Variants in SHANK1 observed in about 807,000 individuals in gnomAD.
SHANK1 encodes SH3 and multiple ankyrin repeat domains protein 1.
A neutral mutation model predicts 165.6 loss-of-function variants in SHANK1; 35 were observed. That is an observed-to-expected ratio of 0.21 (90% CI 0.16 to 0.28). The LOEUF (loss-of-function observed/expected upper bound fraction) is 0.28. Among genes scored for constraint, SHANK1 ranks in the 10% least tolerant of loss-of-function variants. SHANK1 has a pLI of 1.00. For synonymous variants in SHANK1, 1,428 were observed against 1,384.8 expected, an observed-to-expected ratio of 1.03 and a Z score of -0.69; for missense variants, 2,681 against 3,036.4, an observed-to-expected ratio of 0.88 and a Z score of 2.75.
In SHANK1 at chr19:50,669,013, G is replaced by A; in HGVS notation, c.2947C>T (p.Arg983Cys). The change falls in exon 23 of 24, where the codon CGC (arginine) becomes TGC (cysteine). Residue 983 changes from arginine to cysteine, a missense_variant. Around this residue, in one of 10 missense-constraint regions of SHANK1, gnomAD observed 1,713 missense variants for 1,630.2 expected, o/e 1.05. Coordinates refer to ENST00000293441, the MANE Select transcript of SHANK1 (RefSeq NM_016148.5). Reference sequence around the variant, plus strand: ...CCACTGTGGTACAGGCTCTTCTCGCGGCTCCCCACGCGAGTGTCGGGAGGG... The same window carrying A: ...CCACTGTGGTACAGGCTCTTCTCGCAGCTCCCCACGCGAGTGTCGGGAGGG... ...PSPPDTRVGS[R>C]EKSLYHSGPL... 1.2e-6 allele frequency: 1 copy of A among 839,114 alleles called. No homozygotes were observed. The allele number at this position is 839,114 out of a possible 1,614,324, so 52.0% of individuals were successfully genotyped here. A position where few individuals can be genotyped will look rare whatever the true frequency, so the allele number is the denominator to read the frequency against.
chr19:50,681,790 T>G (rs1599850665), intron 21 of SHANK1, among the ~76,000 whole-genome samples: 1 of 152,194 alleles, frequency 6.6e-6, no homozygotes, highest in East Asian at 1.9e-4. Context: ...ATGTATTTAT[T>G]GAGACAGGTC....
rs1216154072 is a variant in SHANK1, at chr19:50,672,106, G to A, written c.2586C>T (p.Phe862=). The change falls in exon 22 of 24, where the codon TTC becomes TTT. Residue 862 remains phenylalanine, a synonymous_variant. Transcript: ENST00000293441. The stretch of plus-strand genomic sequence containing the variant: ...TTGGCTGGGCACGGTGGTGGGGATC[G>A]AAGCTCGACTTTGGAGCGGCAGTCA... The part of the protein sequence containing the change: ...PKGFFATESS[F]DPHHRAQPSY... 5.0e-6 allele frequency: 8 copies of A among 1,613,448 alleles called. No homozygotes were observed. The highest frequency in any genetic ancestry group is 6.8e-6 in the Non-Finnish European group (8 of 1,179,728).
rs945242097 is a variant in SHANK1 at position 50,659,577 on chromosome 19, G to A, written c.*2388C>T. Among the ~76,000 whole-genome samples, 1 of 113,848 alleles carries A rather than the reference G, an allele frequency of 8.8e-6. No individual in the cohort carries two copies. Among genetic ancestry groups the A allele is most frequent in the African/African-American group, 3.5e-5 (1 of 28,844 alleles). 74.7% of individuals were successfully genotyped at this position (113,848 alleles called of 152,430 possible). ...CCTCTTCCCCTCCCACCCCCCCTTG[G>A]AAGACAATTCTCGGGCTTTTATTTC... On this transcript the variant is annotated 3_prime_UTR_variant, in exon 24 of 24. Transcript: ENST00000293441.
chr19:50,705,628 T>A (rs528204034), intron 8 of SHANK1, among the ~76,000 whole-genome samples: 8 of 152,078 alleles, frequency 5.3e-5, no homozygotes, highest in Non-Finnish European at 7.4e-5. Context: ...TAGATGCCAG[T>A]AGCACTCCCC....
chr19:50,667,797 G>T lies in SHANK1; in HGVS notation c.4163C>A (p.Pro1388Gln). 7.7e-7 allele frequency: 1 copy of T among 1,292,934 alleles called. No individual in the cohort carries two copies. The highest frequency in any genetic ancestry group is 3.2e-5 in the East Asian group (1 of 31,654). 80.1% of individuals were successfully genotyped at this position (1,292,934 alleles called of 1,614,324 possible). A position where few individuals can be genotyped will look rare whatever the true frequency, so the allele number is the denominator to read the frequency against. ...PRPPSPRYEA[P>Q]PPTPHHHSPH... Reference sequence around the variant, plus strand: ...CGAGTGGTGGTGCGGGGTGGGCGGCGGGGCCTCGTAGCGGGGCGATGGGGG... The same window carrying T: ...CGAGTGGTGGTGCGGGGTGGGCGGCTGGGCCTCGTAGCGGGGCGATGGGGG... Residue 1388 changes from proline to glutamine, a missense_variant, in exon 23 of 24, where the codon CCG (proline) becomes CAG (glutamine). By Grantham distance (76) the Pro-to-Gln change is moderately conservative. Transcript: ENST00000293441. The surrounding 1 kb of genome is among the most constrained non-coding windows in gnomAD (Gnocchi z 5.7).
At chr19:50,689,317 G>A (rs1335600386) in intron 15 of SHANK1, 38 bp from the exon 16 acceptor site, 15 of 1,439,690 alleles carry the variant, frequency 1.0e-5, no homozygotes, top group Admixed American at 1.7e-5. Flanking sequence ...GGTGGTGGGG[G>A]GAGTGGAGAA....
Position 50,662,305 on chromosome 19 carries a change from G to C in SHANK1, c.6146C>G (p.Pro2049Arg). 6.2e-7 allele frequency: 1 copy of C among 1,610,444 alleles called. No individual in the cohort carries two copies. The highest frequency in any genetic ancestry group is 8.5e-7 in the Non-Finnish European group (1 of 1,177,892). ...TGGCGGCACAAAGACTGGGGCGAAG[G>C]GGTCAGCCGAGCCTCCTGCCCCTCC... is the stretch of plus-strand genomic sequence containing the variant. Reference protein sequence around the residue: ...PTGGAGGSADPFAPVFVPPHP... With the variant: ...PTGGAGGSADRFAPVFVPPHP... The change falls in exon 24 of 24, where the codon CCC (proline) becomes CGC (arginine). Residue 2049 changes from proline to arginine, a missense_variant. This residue lies in a region of SHANK1 where 1,713 missense variants were observed against 1,630.2 expected (regional missense o/e 1.05). Transcript: ENST00000293441. The surrounding 1 kb of genome is among the most constrained non-coding windows in gnomAD (Gnocchi z 7.7).
At chr19:50,708,485 AC>A (rs1366566178) in intron 8 of SHANK1, among the ~76,000 whole-genome samples, 112 of 120,378 alleles carry the variant, frequency 9.3e-4, no homozygotes, top group Non-Finnish European at 1.5e-3. Context: ...GTGAACTCCC[AC>A]CCCCCCCAAC....
chr19:50,719,331 C>T (rs1426268419), intron 1 of SHANK1, 75 bp downstream of exon 1: 1 of 152,116 alleles, frequency 6.6e-6, no homozygotes, highest in Non-Finnish European at 1.5e-5. Flanking sequence ...CCAAGGACAT[C>T]CGGGGCGCCC....
Position 50,688,689 on chromosome 19 carries a change from TG to T in SHANK1, c.2172+154del, listed in dbSNP as rs1439006542. ...CTCAGAGGCCTTTAGATGGAATCGCTGGGGAAAGCAGAGGCTGGCTGGGGGG... is the reference window on the plus strand; with the variant it reads ...CTCAGAGGCCTTTAGATGGAATCGCTGGGAAAGCAGAGGCTGGCTGGGGGG... On this transcript the variant is annotated intron_variant, in intron 17 of 23. Transcript: ENST00000293441. This position sits in a 1 kb window ranked among gnomAD's most constrained non-coding sequence, Gnocchi z 6.7. Among the ~76,000 whole-genome samples the T allele has an allele frequency of 6.6e-6, 1 of 151,872 alleles. No individual in the cohort carries two copies. Among genetic ancestry groups the T allele is most frequent in the Non-Finnish European group, 1.5e-5 (1 of 67,962 alleles).
intron 21 of SHANK1, among the ~76,000 whole-genome samples, chr19:50,673,496 C>G (rs550923459): frequency 6.6e-6 from 1 of 152,124 alleles, no homozygotes; most frequent in Non-Finnish European, 1.5e-5. Flanking sequence ...CTTTTCAGCG[C>G]GAAGTTCTCC....
In SHANK1 at chr19:50,701,275, G is replaced by C. The variant is rs112194764; in HGVS notation, c.1747+1192C>G. 1.3e-3 allele frequency among the ~76,000 whole-genome samples: 192 copies of C among 148,848 alleles called. 1 individual carries two copies. The highest frequency in any genetic ancestry group is 1.8e-3 in the Admixed American group (26 of 14,734). ...TGGCTCACTGCAACCTCCGCCTCCCGGGTTCAAGCAATTTTCCTGCCTCGG... is the reference window on the plus strand; with the variant it reads ...TGGCTCACTGCAACCTCCGCCTCCCCGGTTCAAGCAATTTTCCTGCCTCGG... On this transcript the variant is annotated intron_variant, in intron 12 of 23. Coordinates refer to ENST00000293441, the MANE Select transcript of SHANK1 (RefSeq NM_016148.5).
At position 50,702,756 on chromosome 19, in the gene SHANK1, T is replaced by A; in HGVS notation, c.1554-96A>T. On this transcript the variant is annotated intron_variant, in intron 11 of 23. Transcript: ENST00000293441. This position sits in a 1 kb window ranked among gnomAD's most constrained non-coding sequence, Gnocchi z 5.3. ...TTGGGTGGGGGAAGAGGACGGTGCA[T>A]CAGGGGGGAGGGGGGGTTTCCCAGC... is the stretch of plus-strand genomic sequence containing the variant. 11 of 679,384 alleles carry A rather than the reference T, an allele frequency of 1.6e-5. No individual in the cohort carries two copies. Among genetic ancestry groups the A allele is most frequent in the Non-Finnish European group, 2.4e-5 (10 of 416,786 alleles). The allele number at this position is 679,384 out of a possible 1,614,324, so 42.1% of individuals were successfully genotyped here.
At chr19:50,715,814 C>T (rs2123206866) in intron 3 of SHANK1, 84 bp from the exon 4 acceptor site, 1 of 1,298,220 alleles carries the variant, frequency 7.7e-7, no homozygotes. Flanking sequence ...AGGGGAAGGT[C>T]TGATCCCCTT....
At chr19:50,703,423 G>C (rs2088894378) in intron 11 of SHANK1, 77 bp downstream of exon 11, 4 of 1,277,290 alleles carry the variant, frequency 3.1e-6, no homozygotes, top group Non-Finnish European at 4.3e-6. Context: ...AGCTGGGCTG[G>C]CCTCGGGGGA....
rs763564024 is a variant in SHANK1 at position 50,667,930 on chromosome 19, C to A, written c.4030G>T (p.Gly1344Cys). The A allele has an allele frequency of 2.2e-6, 3 of 1,368,236 alleles. No individual in the cohort carries two copies. The highest frequency in any genetic ancestry group is 1.9e-6 in the Non-Finnish European group (2 of 1,066,570). 84.8% of individuals were successfully genotyped at this position (1,368,236 alleles called of 1,614,324 possible). ...GGGGAGGCGGGATCCAGGGCCTTGCCGGTCAGCGGGTGCACCAGGGGTCGC... is the reference window on the plus strand; with the variant it reads ...GGGGAGGCGGGATCCAGGGCCTTGCAGGTCAGCGGGTGCACCAGGGGTCGC... ...PPRPLVHPLT[G>C]KALDPASPLG... The change falls in exon 23 of 24, where the codon GGC becomes TGC. Residue 1344 changes from glycine to cysteine, a missense_variant. Physicochemically the swap from Gly to Cys is radical, Grantham distance 159. This residue lies in a region of SHANK1 where 1,713 missense variants were observed against 1,630.2 expected (regional missense o/e 1.05). Coordinates refer to ENST00000293441, the MANE Select transcript of SHANK1 (RefSeq NM_016148.5). The surrounding 1 kb of genome is among the most constrained non-coding windows in gnomAD (Gnocchi z 5.7).
In SHANK1 at chr19:50,700,376, A is replaced by G. The variant is rs565249076; in HGVS notation, c.1747+2091T>C. On this transcript the variant is annotated intron_variant, in intron 12 of 23. Coordinates refer to ENST00000293441, the MANE Select transcript of SHANK1 (RefSeq NM_016148.5). Reference sequence around the variant, plus strand: ...GGCTCGGGGCATAGGAGGATTGGAGAGCTCAGGGCATTGGGAGATTGGAGG... The same window carrying G: ...GGCTCGGGGCATAGGAGGATTGGAGGGCTCAGGGCATTGGGAGATTGGAGG... Among the ~76,000 whole-genome samples, 449 of 95,052 alleles carry G rather than the reference A, an allele frequency of 4.7e-3. 2 individuals are homozygous for G. The highest frequency in any genetic ancestry group is 8.3e-3 in the Middle Eastern group (1 of 120). 62.4% of individuals were successfully genotyped at this position (95,052 alleles called of 152,430 possible).
chr19:50,689,477 G>GCT (rs931426621), intron 15 of SHANK1, 198 bp from the exon 16 acceptor site: 6 of 694,340 alleles, frequency 8.6e-6, no homozygotes, highest in African/African-American at 1.8e-5. Context: ...GAGCCGGCAT[G>GCT]CTCTCTCTCT....
In SHANK1 at chr19:50,703,682, C is replaced by T. The variant is rs1007850886; in HGVS notation, c.1371G>A (p.Ala457=). 8.8e-6 allele frequency: 13 copies of T among 1,469,818 alleles called. No homozygotes were observed. Among genetic ancestry groups the T allele is most frequent in the Admixed American group, 2.5e-5 (1 of 40,250 alleles). The allele number at this position is 1,469,818 out of a possible 1,614,324, so 91.0% of individuals were successfully genotyped here. A position where few individuals can be genotyped will look rare whatever the true frequency, so the allele number is the denominator to read the frequency against. ...DWMVFSAPGA[A]SSGAPGPTSG... is the part of the protein sequence containing the mutation. Reference sequence around the variant, plus strand: ...AGGTAGGGCCAGGGGCCCCAGAGGACGCGGCCCCCGGGGCGGAGAACACCA... The same window carrying T: ...AGGTAGGGCCAGGGGCCCCAGAGGATGCGGCCCCCGGGGCGGAGAACACCA... Residue 457 remains alanine (A), a synonymous_variant, in exon 11 of 24, where the codon GCG becomes GCA. Coordinates refer to ENST00000293441, the MANE Select transcript of SHANK1 (RefSeq NM_016148.5).
Sources: gnomAD v4.1 joint callset for allele counts (sites outside exome capture counted in the v4.1 genomes callset) on GRCh38, gnomAD v4.1.1 for gene constraint, gnomAD v4.1.1 regional missense constraint, Gnocchi (gnomAD v3.1) non-coding constraint, MANE v1.5 for transcripts, NCBI Gene and HGNC (gene_info 2026-07-23, HGNC 2026-07-21) for gene names.